TRAT1: variants seen among roughly 807,000 people sequenced by gnomAD.
TRAT1 encodes T cell receptor associated transmembrane adaptor 1, also known as T-cell receptor-associated transmembrane adapter 1.
TRAT1 carries 20 observed loss-of-function variants against 20.0 expected under a neutral mutation model. The observed-to-expected ratio is 1.00, with a 90% CI of 0.70 to 1.45. The LOEUF (loss-of-function observed/expected upper bound fraction) is 1.45. TRAT1 is among the 40% of genes most tolerant of loss of function. TRAT1 has a pLI of 0.00. For missense variants in TRAT1, 237 were observed against 224.1 expected, an observed-to-expected ratio of 1.06 and a Z score of -0.37; for synonymous variants, 77 against 74.2, an observed-to-expected ratio of 1.04 and a Z score of -0.20.
At chr3:108,847,017 A>G (rs1559824809) in intron 3 of TRAT1, 51 bp from the exon 4 acceptor site, 4 of 1,189,202 alleles carry the variant, frequency 3.4e-6, no homozygotes, top group Non-Finnish European at 5.0e-6. Flanking sequence ...TCAGTTATGA[A>G]TTATGTGAAA....
chr3:108,841,962 T>C (rs1405713732), intron 3 of TRAT1, among the ~76,000 whole-genome samples: 1 of 152,156 alleles, frequency 6.6e-6, no homozygotes, highest in Middle Eastern at 3.2e-3. Flanking sequence ...TGAAATTTGG[T>C]TTTATCATAT....
At chr3:108,846,014 A>G (rs930874192) in intron 3 of TRAT1, among the ~76,000 whole-genome samples, 1 of 152,138 alleles carries the variant, frequency 6.6e-6, no homozygotes, top group African/African-American at 2.4e-5. Context: ...AGTTCTCTTG[A>G]CCTGAGGGTC....
At chr3:108,852,736 T>G (rs1010412732) in intron 5 of TRAT1, among the ~76,000 whole-genome samples, 1 of 152,238 alleles carries the variant, frequency 6.6e-6, no homozygotes, top group Non-Finnish European at 1.5e-5. Flanking sequence ...ATTATCTCTA[T>G]GTACTAACCA....
chr3:108,853,465 T>G (rs993154935), intron 5 of TRAT1, among the ~76,000 whole-genome samples, 155 bp from the exon 6 acceptor site: 1 of 152,172 alleles, frequency 6.6e-6, no homozygotes, highest in African/African-American at 2.4e-5. Flanking sequence ...TTCTGTTCTG[T>G]TTTTTGTTTT....
chr3:108,852,103 A>G (rs561778371), intron 5 of TRAT1, among the ~76,000 whole-genome samples: 12 of 152,152 alleles, frequency 7.9e-5, no homozygotes, highest in Non-Finnish European at 1.8e-4. Flanking sequence ...CCACACAGCC[A>G]GGTGTGGTGG....
intron 2 of TRAT1, among the ~76,000 whole-genome samples, chr3:108,831,293 G>A (rs1398016355): frequency 1.3e-5 from 2 of 152,200 alleles, no homozygotes; most frequent in Admixed American, 1.3e-4. Context: ...TCTAGGAGAG[G>A]TCAAGAGTAT....
At chr3:108,837,381 T>C (rs1216939557) in intron 2 of TRAT1, among the ~76,000 whole-genome samples, 4 of 152,244 alleles carry the variant, frequency 2.6e-5, no homozygotes, top group Non-Finnish European at 5.9e-5. Context: ...TCCAAACACA[T>C]TGACATGTGA....
intron 2 of TRAT1, among the ~76,000 whole-genome samples, chr3:108,836,873 T>C (rs1294220396): frequency 6.6e-6 from 1 of 152,176 alleles, no homozygotes; most frequent in African/African-American, 2.4e-5. Flanking sequence ...ATTTGTTCCA[T>C]TATACATCAG....
chr3:108,825,083 C>G (rs192641998), intron 1 of TRAT1, among the ~76,000 whole-genome samples: 16 of 151,496 alleles, frequency 1.1e-4, no homozygotes, highest in South Asian at 4.2e-4. Flanking sequence ...AAAGTCAAAA[C>G]AAAACAAAAT....
Position 108,838,807 on chromosome 3 carries a change from C to T in TRAT1, c.119-127C>T, listed in dbSNP as rs912984327. On this transcript the variant is annotated intron_variant, in intron 2 of 5. Coordinates refer to ENST00000295756, the MANE Select transcript of TRAT1 (RefSeq NM_016388.4). The stretch of plus-strand genomic sequence containing the variant: ...TTTAACCCTACTTCAATCAGAGGTG[C>T]CCTGAGAGCCTTGGTCAAATATATT... The T allele has an allele frequency of 8.0e-6, 6 of 748,496 alleles. No homozygotes were observed. In the African/African-American group the frequency reaches 8.7e-5, roughly 11 times the overall value. The allele number at this position is 748,496 out of a possible 1,614,324, so 46.4% of individuals were successfully genotyped here. A position where few individuals can be genotyped will look rare whatever the true frequency, so the allele number is the denominator to read the frequency against.
chr3:108,854,080 TA>T lies in TRAT1; in HGVS notation c.*209del. ...ATGAAAATCAGTATTTCAAATAACT[TA>T]AAAAATGCTTTACTACTAAAATGTA... On this transcript the variant is annotated 3_prime_UTR_variant, in exon 6 of 6. Coordinates refer to ENST00000295756, the MANE Select transcript of TRAT1 (RefSeq NM_016388.4). 1 of 492,184 alleles carries T rather than the reference TA, an allele frequency of 2.0e-6. No homozygotes were observed. 30.5% of individuals were successfully genotyped at this position (492,184 alleles called of 1,614,324 possible).
chr3:108,849,054 A>G, intron 4 of TRAT1, 112 bp from the exon 5 acceptor site: 1 of 876,894 alleles, frequency 1.1e-6, no homozygotes, highest in Non-Finnish European at 1.8e-6. Flanking sequence ...CTAGTTAAGT[A>G]ATTCTTGGGC....
intron 4 of TRAT1, among the ~76,000 whole-genome samples, chr3:108,848,149 T>C (rs1328935918): frequency 1.3e-5 from 2 of 152,194 alleles, no homozygotes; most frequent in Admixed American, 6.5e-5. Flanking sequence ...CCAAACCCAT[T>C]ATACCTGCTA....
intron 2 of TRAT1, 84 bp from the exon 3 acceptor site, chr3:108,838,850 A>C: frequency 9.4e-7 from 1 of 1,066,960 alleles, no homozygotes; most frequent in Non-Finnish European, 1.5e-6. Context: ...ATTGAGGCTA[A>C]ACTCCCCTCA....
chr3:108,844,775 C>T (rs1341409903), intron 3 of TRAT1, among the ~76,000 whole-genome samples: 7 of 129,046 alleles, frequency 5.4e-5, no homozygotes, highest in Admixed American at 1.8e-4. Flanking sequence ...ATCCGGGAGG[C>T]GGAGCTTGCA....
At chr3:108,839,059 G>T (rs979985323) in intron 3 of TRAT1, 92 bp downstream of exon 3, 19 of 941,276 alleles carry the variant, frequency 2.0e-5, no homozygotes, top group Non-Finnish European at 3.1e-5. Context: ...CATGGATATT[G>T]TACTTAGGTT....
At chr3:108,843,346 A>G (rs934672138) in intron 3 of TRAT1, among the ~76,000 whole-genome samples, 3 of 152,142 alleles carry the variant, frequency 2.0e-5, no homozygotes, top group Admixed American at 1.3e-4. Flanking sequence ...CCTGGCCAAC[A>G]TAGTAAAACT....
In TRAT1 at chr3:108,853,682, A is replaced by G. The variant is rs776820132; in HGVS notation, c.366A>G (p.Arg122=). 1 of 1,614,164 alleles carries G rather than the reference A, an allele frequency of 6.2e-7. No homozygotes were observed. Among genetic ancestry groups the G allele is most frequent in the South Asian group, 1.1e-5 (1 of 91,090 alleles). ...ATCACAGCGTTAAGGGGAAGCGTAGAAAGCCCAGGAAACAGAATACTCATT... is the reference window on the plus strand; with the variant it reads ...ATCACAGCGTTAAGGGGAAGCGTAGGAAGCCCAGGAAACAGAATACTCATT... The part of the protein sequence containing the change: ...SLDHSVKGKR[R]KPRKQNTHFS... Residue 122 remains arginine, a synonymous_variant, in exon 6 of 6, where the codon AGA becomes AGG. Coordinates refer to ENST00000295756, the MANE Select transcript of TRAT1 (RefSeq NM_016388.4).
intron 1 of TRAT1, among the ~76,000 whole-genome samples, chr3:108,827,810 C>A (rs1334777661): frequency 6.6e-6 from 1 of 152,080 alleles, no homozygotes; most frequent in East Asian, 1.9e-4. Context: ...CAAAACACAA[C>A]CCTAAAGAAA....
Sources: allele counts gnomAD v4.1 joint callset (sites outside exome capture counted in the v4.1 genomes callset), GRCh38; gene constraint gnomAD v4.1.1; transcripts MANE v1.5; gene names NCBI Gene and HGNC (gene_info 2026-07-23, HGNC 2026-07-21).